The following SOX5 variants were observed in gnomAD, a reference collection of about 807,000 sequenced individuals.
SOX5 encodes transcription factor SOX-5.
Under a neutral mutation model 92.0 loss-of-function variants are expected in SOX5, and 9 were observed. That is an observed-to-expected ratio of 0.10 (90% CI 0.06 to 0.17). SOX5 has a LOEUF of 0.17. SOX5 is among the 10% of genes least tolerant of loss of function. The probability of loss-of-function intolerance (pLI) is 1.00; values close to 1 mark genes in which losing one functional copy is unlikely to be tolerated. For synonymous variants in SOX5, 344 were observed against 336.3 expected (o/e 1.02, Z -0.25); for missense variants, 642 against 944.5 (o/e 0.68, Z 4.20).
chr12:24,102,039 A>G (rs1271407774), intron 4 of SOX5, among the ~76,000 whole-genome samples: 5 of 152,190 alleles, frequency 3.3e-5, no homozygotes, highest in Admixed American at 2.0e-4. Context: ...ACCCTGACAT[A>G]ACAAACAATG....
At chr12:23,729,227 C>CTT (rs1195990899) in intron 6 of SOX5, among the ~76,000 whole-genome samples, 1 of 151,996 alleles carries the variant, frequency 6.6e-6, no homozygotes, top group South Asian at 2.1e-4. Context: ...ATTATATTTC[C>CTT]TTTTTTATAG....
intron 1 of SOX5, among the ~76,000 whole-genome samples, chr12:24,550,649 A>G (rs544308598): frequency 7.9e-5 from 12 of 152,234 alleles, no homozygotes; most frequent in Non-Finnish European, 1.6e-4. Flanking sequence ...TTGATTTTTA[A>G]GAGTTAACAG....
intron 3 of SOX5, among the ~76,000 whole-genome samples, chr12:23,835,038 T>C (rs1395007099): frequency 1.3e-5 from 2 of 151,910 alleles, no homozygotes; most frequent in Non-Finnish European, 2.9e-5. Context: ...AAAGTTTGAA[T>C]GAAAATCAAG....
intron 2 of SOX5, among the ~76,000 whole-genome samples, chr12:24,293,584 T>G (rs1263061280): frequency 6.6e-6 from 1 of 151,404 alleles, no homozygotes; most frequent in African/African-American, 2.5e-5. Context: ...TTATGCAGTT[T>G]ATAAAAAAAA....
intron 3 of SOX5, among the ~76,000 whole-genome samples, chr12:23,815,427 G>C (rs539752314): frequency 1.3e-5 from 2 of 152,054 alleles, no homozygotes. Flanking sequence ...GATTACCACA[G>C]AACACCTAAT....
intron 9 of SOX5, among the ~76,000 whole-genome samples, chr12:23,588,059 G>GA (rs1289545563): frequency 1.3e-5 from 2 of 152,068 alleles, no homozygotes; most frequent in East Asian, 3.8e-4. Flanking sequence ...GAGAACTGAT[G>GA]TCTTTAAAGA....
chr12:23,892,299 T>C (rs1475130808), intron 2 of SOX5, among the ~76,000 whole-genome samples: 1 of 152,098 alleles, frequency 6.6e-6, no homozygotes, highest in East Asian at 1.9e-4. Flanking sequence ...ATAGAGAGTT[T>C]TCCAAGTAGA....
At chr12:23,763,410 C>G (rs1168328306) in intron 3 of SOX5, among the ~76,000 whole-genome samples, 1 of 152,048 alleles carries the variant, frequency 6.6e-6, no homozygotes, top group Non-Finnish European at 1.5e-5. Context: ...AAAACTACCC[C>G]AAAATCAAAA....
At chr12:23,971,808 A>G (rs1296759627) in intron 4 of SOX5, among the ~76,000 whole-genome samples, 2 of 152,128 alleles carry the variant, frequency 1.3e-5, no homozygotes, top group Admixed American at 1.3e-4. Context: ...GGGAAAAGCA[A>G]CAGAGTTTGA....
chr12:24,045,224 G>A (rs1346798643), intron 4 of SOX5, among the ~76,000 whole-genome samples: 1 of 152,156 alleles, frequency 6.6e-6, no homozygotes, highest in Non-Finnish European at 1.5e-5. Context: ...TCACCTCCCA[G>A]TGCTTTAGGT....
At chr12:24,033,140 A>T (rs1192770657) in intron 4 of SOX5, among the ~76,000 whole-genome samples, 1 of 151,954 alleles carries the variant, frequency 6.6e-6, no homozygotes, top group African/African-American at 2.4e-5. Context: ...AATCTAAATC[A>T]TGTTTCTCCA....
intron 4 of SOX5, among the ~76,000 whole-genome samples, chr12:24,141,210 C>T (rs1169120763): frequency 1.3e-5 from 2 of 152,142 alleles, no homozygotes; most frequent in Non-Finnish European, 2.9e-5. Context: ...CCTTTTACAT[C>T]TTTCTTCTCC....
chr12:23,940,674 A>G (rs896480656), intron 1 of SOX5, among the ~76,000 whole-genome samples: 3 of 151,174 alleles, frequency 2.0e-5, no homozygotes, highest in Non-Finnish European at 3.0e-5. Context: ...AAAAGAATCA[A>G]TGAAGATACT....
chr12:23,793,349 A>G (rs1398853610), intron 3 of SOX5, among the ~76,000 whole-genome samples: 2 of 152,178 alleles, frequency 1.3e-5, no homozygotes, highest in African/African-American at 2.4e-5. Flanking sequence ...GGCAGACACT[A>G]AAATCAGTAC....
intron 9 of SOX5, among the ~76,000 whole-genome samples, chr12:23,583,575 T>A (rs1469317736): frequency 6.6e-6 from 1 of 152,128 alleles, no homozygotes; most frequent in Admixed American, 6.6e-5. Context: ...GGTTATTTTG[T>A]CCTATAGTGT....
chr12:24,055,006 A>C (rs1296531900), intron 4 of SOX5, among the ~76,000 whole-genome samples: 6 of 152,178 alleles, frequency 3.9e-5, no homozygotes, highest in Non-Finnish European at 8.8e-5. Flanking sequence ...TACTTTTGAA[A>C]TTCTGAACCT....
intron 12 of SOX5, among the ~76,000 whole-genome samples, chr12:23,544,188 A>C (rs1028743526): frequency 9.9e-5 from 15 of 152,214 alleles, no homozygotes; most frequent in African/African-American, 3.6e-4. Context: ...AGTAAGATTC[A>C]CAGATGATAA....
chr12:24,128,969 T>C (rs965766343), intron 4 of SOX5, among the ~76,000 whole-genome samples: 4 of 152,100 alleles, frequency 2.6e-5, no homozygotes, highest in African/African-American at 9.7e-5. Flanking sequence ...AGCTTCAAGA[T>C]ATACTTTGTG....
intron 1 of SOX5, among the ~76,000 whole-genome samples, chr12:24,451,597 T>G (rs1046707258): frequency 6.6e-6 from 1 of 152,212 alleles, no homozygotes; most frequent in Non-Finnish European, 1.5e-5. Flanking sequence ...AATGAATATC[T>G]AATATTAACT....
Sources: allele counts gnomAD v4.1 joint callset (sites outside exome capture counted in the v4.1 genomes callset), GRCh38; gene constraint gnomAD v4.1.1; transcripts MANE v1.5; gene names NCBI Gene and HGNC (gene_info 2026-07-23, HGNC 2026-07-21).